KRTAP4-9: variants seen among roughly 807,000 people sequenced by gnomAD.
The protein encoded by KRTAP4-9 is keratin-associated protein 4-9.
KRTAP4-9 carries 4 observed loss-of-function variants against 4.3 expected under a neutral mutation model. That is an observed-to-expected ratio of 0.94 (90% CI 0.46 to 2.15). The LOEUF is 2.15. Among genes scored for constraint, KRTAP4-9 ranks in the 30% most tolerant of loss-of-function variants. The pLI is 0.02. For missense variants in KRTAP4-9, 297 were observed against 278.5 expected, an observed-to-expected ratio of 1.07 and a Z score of -0.47; for synonymous variants, 111 against 99.2, an observed-to-expected ratio of 1.12 and a Z score of -0.70.
exon 1 of KRTAP4-9, chr17:41,105,685 C>T: frequency 1.9e-6 from 3 of 1,571,946 alleles, no homozygotes; most frequent in Non-Finnish European, 2.6e-6. Context: ...AGCCTGCGTG[C>T]TGCCAACCCA....
rs372619101 is a variant in KRTAP4-9 at position 41,105,464 on chromosome 17, C to T, written c.76C>T (p.Arg26Cys). 224 of 1,603,078 alleles carry T rather than the reference C, an allele frequency of 1.4e-4. 2 individuals are homozygous for T. The African/African-American group carries it at 2.5e-3, about 18-fold the overall frequency. The change falls in exon 1 of 1, where the codon CGC becomes TGC. Residue 26 changes from arginine (R) to cysteine (C), a missense_variant. Coordinates refer to ENST00000391415, the Ensembl canonical transcript of KRTAP4-9. Reference sequence around the variant, plus strand: ...AGACCTCTGTCAGGAGACCTGCTGCCGCCCCAGCTGCTGTGAGACCACCTG... The same window carrying T: ...AGACCTCTGTCAGGAGACCTGCTGCTGCCCCAGCTGCTGTGAGACCACCTG...
chr17:41,106,029 G>A (rs1361362940), exon 1 of KRTAP4-9: 1 of 1,569,908 alleles, frequency 6.4e-7, no homozygotes, highest in Non-Finnish European at 8.6e-7. Context: ...TGAGCCCACT[G>A]CCCTGGCTTA....
chr17:41,105,497 A>C, exon 1 of KRTAP4-9: 2 of 1,565,316 alleles, frequency 1.3e-6, no homozygotes, highest in Admixed American at 1.9e-5. Context: ...CTGCTGCAGG[A>C]CCACCTGCTG....
At chr17:41,106,232 T>C in exon 1 of KRTAP4-9, 2 of 857,218 alleles carry the variant, frequency 2.3e-6, no homozygotes, top group South Asian at 4.2e-5. Context: ...TTTCTTCCGG[T>C]GGTGGCACCA....
exon 1 of KRTAP4-9, chr17:41,105,852 G>T (rs774508284): frequency 1.2e-6 from 2 of 1,611,310 alleles, no homozygotes; most frequent in African/African-American, 2.7e-5. Context: ...CCCAGCTGCA[G>T]CATCTCCAGC....
exon 1 of KRTAP4-9, chr17:41,106,275 A>T (rs189726641): frequency 3.1e-6 from 2 of 648,276 alleles, no homozygotes; most frequent in African/African-American, 3.7e-5. Context: ...ACTAGCTAGA[A>T]ATTATTCCAA....
At chr17:41,106,052 C>A in exon 1 of KRTAP4-9, 2 of 1,546,556 alleles carry the variant, frequency 1.3e-6, no homozygotes, top group Non-Finnish European at 1.7e-6. Context: ...TCCCCCTTCA[C>A]CACTGGCCCA....
At chr17:41,106,363 C>T (rs1294325255) in exon 1 of KRTAP4-9, 3 of 398,472 alleles carry the variant, frequency 7.5e-6, no homozygotes, top group Non-Finnish European at 1.4e-5. Context: ...ATCTGCAGGA[C>T]CAGTTTTGTC....
In KRTAP4-9 at chr17:41,105,563, T is replaced by G. The variant is rs750494805; in HGVS notation, c.175T>G (p.Cys59Gly). The G allele has an allele frequency of 1.3e-6, 2 of 1,570,138 alleles. No individual in the cohort carries two copies. Among genetic ancestry groups the G allele is most frequent in the Non-Finnish European group, 1.7e-6 (2 of 1,170,220 alleles). Residue 59 changes from cysteine (C) to glycine (G), a missense_variant, in exon 1 of 1, where the codon TGC becomes GGC. Cys to Gly is a radical substitution (Grantham distance 159). Coordinates refer to ENST00000391415, the Ensembl canonical transcript of KRTAP4-9. Reference sequence around the variant, plus strand: ...CAGGCCCCAGTGCTGCCAGTCTGTGTGCTGCCAACCCACTTGTTCCCGCCC... The same window carrying G: ...CAGGCCCCAGTGCTGCCAGTCTGTGGGCTGCCAACCCACTTGTTCCCGCCC...
rs1280486721 is a variant in KRTAP4-9, at chr17:41,105,817, G to C, written c.429G>C (p.Val143=). Residue 143 remains valine, a synonymous_variant, in exon 1 of 1, where the codon GTG becomes GTC. Coordinates refer to ENST00000391415, the Ensembl canonical transcript of KRTAP4-9. ...GCAAGCCCCAGTGCTGCCAGTCTGT[G>C]TGCTGCCAGCCCAACTGCTGCCGCC... The C allele has an allele frequency of 2.5e-6, 4 of 1,611,338 alleles. No homozygotes were observed. The South Asian group carries it at 4.4e-5, about 18-fold the overall frequency.
At chr17:41,105,715 C>T (rs763079322) in exon 1 of KRTAP4-9, 1 of 1,573,604 alleles carries the variant, frequency 6.4e-7, no homozygotes, top group East Asian at 2.3e-5. Context: ...GCCCCAGCTG[C>T]TGTGAGACGA....
At chr17:41,105,699 G>A (rs767543843) in exon 1 of KRTAP4-9, 3 of 1,571,572 alleles carry the variant, frequency 1.9e-6, no homozygotes, top group Admixed American at 1.8e-5. Context: ...CAACCCACTT[G>A]CTGTCGCCCC....
rs781425491 is a variant in KRTAP4-9 at position 41,106,054 on chromosome 17, A to C, written c.*33A>C. The C allele has an allele frequency of 1.1e-4, 165 of 1,544,500 alleles. 1 individual carries two copies. The highest frequency in any genetic ancestry group is 1.4e-4 in the Non-Finnish European group (159 of 1,144,004). On this transcript the variant is annotated 3_prime_UTR_variant, in exon 1 of 1. Coordinates refer to ENST00000391415, the Ensembl canonical transcript of KRTAP4-9. ...GCCCTGGCTTATCTCCCCCTTCACC[A>C]CTGGCCCACAGATGTAGACCCTTCT... is the stretch of plus-strand genomic sequence containing the variant.
At chr17:41,105,629 C>G (rs554891170) in exon 1 of KRTAP4-9, 2 of 1,600,340 alleles carry the variant, frequency 1.2e-6, no homozygotes, top group Admixed American at 1.7e-5. Flanking sequence ...CACCTGCTAC[C>G]GCCCCAGCTG....
exon 1 of KRTAP4-9, chr17:41,105,762 G>A: frequency 1.2e-6 from 2 of 1,600,554 alleles, no homozygotes; most frequent in Non-Finnish European, 1.7e-6. Flanking sequence ...TCCAGCTGCT[G>A]TCGCCCCAGC....
exon 1 of KRTAP4-9, chr17:41,105,991 C>A: frequency 6.3e-7 from 1 of 1,592,714 alleles, no homozygotes; most frequent in Non-Finnish European, 8.6e-7. Flanking sequence ...GCTGCCCCCG[C>A]CCCTTGTGCT....
Position 41,105,911 on chromosome 17 carries a change from T to TG in KRTAP4-9, c.524dup (p.Cys175TrpfsTer54), listed in dbSNP as rs2014081921. ...ATCCAGCTGCTGCCGCCCCTGCTGC[T>TG]GCGTGCGTCCAGTCTGTGGCCGAGT... On this transcript the variant is annotated frameshift_variant, in exon 1 of 1. Coordinates refer to ENST00000391415, the Ensembl canonical transcript of KRTAP4-9. LOFTEE classifies it high-confidence loss of function. 1 of 1,609,022 alleles carries TG rather than the reference T, an allele frequency of 6.2e-7. No individual in the cohort carries two copies. The highest frequency in any genetic ancestry group is 1.1e-5 in the South Asian group (1 of 90,662).
chr17:41,106,278 T>C, exon 1 of KRTAP4-9: 1 of 647,764 alleles, frequency 1.5e-6, no homozygotes, highest in East Asian at 2.9e-5. Context: ...AGCTAGAAAT[T>C]ATTCCAATCC....
chr17:41,106,161 C>T (rs930345818), exon 1 of KRTAP4-9: 15 of 1,359,512 alleles, frequency 1.1e-5, no homozygotes, highest in Admixed American at 2.9e-5. Flanking sequence ...GAGCCCATCA[C>T]CATTTCACTG....
Sources: gnomAD v4.1 joint callset for allele counts on GRCh38, gnomAD v4.1.1 for gene constraint, MANE v1.5 for transcripts, NCBI Gene and HGNC (gene_info 2026-07-23, HGNC 2026-07-21) for gene names.